Variants in MAGI2 observed in about 807,000 individuals in gnomAD.
MAGI2 encodes the protein membrane-associated guanylate kinase, WW and PDZ domain-containing protein 2.
Under a neutral mutation model 133.3 loss-of-function variants are expected in MAGI2, and 35 were observed. The observed-to-expected ratio is 0.26, with a 90% confidence interval of 0.20 to 0.35. MAGI2 has a LOEUF of 0.35. Among genes scored for constraint, MAGI2 ranks in the 10% least tolerant of loss-of-function variants. The pLI is 1.00. For missense variants in MAGI2, 1,636 were observed against 1,863.4 expected (o/e 0.88, Z 2.25); for synonymous variants, 729 against 710.6 (o/e 1.03, Z -0.41).
intron 1 of MAGI2, among the ~76,000 whole-genome samples, chr7:79,112,019 G>T (rs2129543968): frequency 6.6e-6 from 1 of 151,648 alleles, no homozygotes; most frequent in African/African-American, 2.4e-5. Context: ...CCTGTCTTTG[G>T]CCAGTAGTAC....
At chr7:78,516,249 T>A (rs1796032038) in intron 4 of MAGI2, among the ~76,000 whole-genome samples, 1 of 152,200 alleles carries the variant, frequency 6.6e-6, no homozygotes, top group African/African-American at 2.4e-5. Context: ...ACAGAGATGT[T>A]CTTGTCAAAT....
intron 2 of MAGI2, among the ~76,000 whole-genome samples, chr7:78,666,729 A>C (rs2151058363): frequency 6.6e-6 from 1 of 152,332 alleles, no homozygotes; most frequent in South Asian, 2.1e-4. Flanking sequence ...TCTTACCATA[A>C]GGCTATTTGG....
intron 7 of MAGI2, among the ~76,000 whole-genome samples, chr7:78,364,588 A>G (rs1793182442): frequency 6.6e-6 from 1 of 152,232 alleles, no homozygotes; most frequent in South Asian, 2.1e-4. Context: ...AGTCTCCACT[A>G]TCATTTTAAC....
intron 1 of MAGI2, among the ~76,000 whole-genome samples, chr7:79,025,730 G>A (rs559236549): frequency 2.6e-5 from 4 of 152,252 alleles, no homozygotes; most frequent in African/African-American, 7.2e-5. Flanking sequence ...GTCCTGATCT[G>A]ACACAGAAAA....
At chr7:78,330,791 G>A (rs1175407601) in intron 9 of MAGI2, among the ~76,000 whole-genome samples, 2 of 152,060 alleles carry the variant, frequency 1.3e-5, no homozygotes, top group Non-Finnish European at 2.9e-5. Context: ...GGGAGGCAGG[G>A]GCTGGCAAAT....
chr7:79,102,104 T>C (rs539197900), intron 1 of MAGI2, among the ~76,000 whole-genome samples: 26 of 152,110 alleles, frequency 1.7e-4, no homozygotes, highest in Non-Finnish European at 3.5e-4. Flanking sequence ...TTCATTTTAT[T>C]TTGTTTTGTT....
rs903869327 is a variant in MAGI2 at position 79,213,240 on chromosome 7, A to G, written c.302-206034T>C. Among the ~76,000 whole-genome samples, 39 of 140,034 alleles carry G rather than the reference A, an allele frequency of 2.8e-4. 1 individual carries two copies. In the East Asian group the frequency reaches 5.3e-3, roughly 19 times the overall value. 91.9% of individuals were successfully genotyped at this position (140,034 alleles called of 152,430 possible). A position where few individuals can be genotyped will look rare whatever the true frequency, so the allele number is the denominator to read the frequency against. On this transcript the variant is annotated intron_variant, in intron 1 of 21. Coordinates refer to ENST00000354212, the MANE Select transcript of MAGI2 (RefSeq NM_012301.4). ...TATATATATATGTGTGTGTGTGTGT[A>G]TATATGTGGGTGTGTATATATATAT...
chr7:79,287,476 G>T (rs944469822), intron 1 of MAGI2, among the ~76,000 whole-genome samples: 1 of 152,082 alleles, frequency 6.6e-6, no homozygotes, highest in Non-Finnish European at 1.5e-5. Flanking sequence ...AAAATTACAG[G>T]ACTATTAACC....
At chr7:78,368,150 T>G (rs1793570331) in intron 7 of MAGI2, among the ~76,000 whole-genome samples, 1 of 152,194 alleles carries the variant, frequency 6.6e-6, no homozygotes, top group Admixed American at 6.6e-5. Context: ...AGGGAGATAC[T>G]CAAGGGCAGA....
At chr7:78,047,353 C>T (rs1402848143) in intron 21 of MAGI2, among the ~76,000 whole-genome samples, 1 of 152,190 alleles carries the variant, frequency 6.6e-6, no homozygotes, top group Non-Finnish European at 1.5e-5. Flanking sequence ...AGAATCATCT[C>T]CTGGTGAGCC....
intron 1 of MAGI2, among the ~76,000 whole-genome samples, chr7:79,108,684 T>G (rs1169655369): frequency 2.0e-5 from 3 of 152,164 alleles, no homozygotes; most frequent in African/African-American, 7.2e-5. Flanking sequence ...AAGATTTTAT[T>G]TATAATTTCA....
chr7:78,926,645 G>A (rs143749691), intron 2 of MAGI2, among the ~76,000 whole-genome samples: 15 of 151,886 alleles, frequency 9.9e-5, no homozygotes, highest in African/African-American at 3.4e-4. Flanking sequence ...AAAACATAAA[G>A]CCTCTTTTAT....
At chr7:79,097,225 C>T (rs1817591639) in intron 1 of MAGI2, among the ~76,000 whole-genome samples, 1 of 152,140 alleles carries the variant, frequency 6.6e-6, no homozygotes, top group Admixed American at 6.5e-5. Context: ...GAAACTGAGA[C>T]ATAGACATAT....
chr7:79,093,125 G>A (rs1817209007), intron 1 of MAGI2, among the ~76,000 whole-genome samples: 2 of 151,502 alleles, frequency 1.3e-5, no homozygotes, highest in African/African-American at 4.9e-5. Flanking sequence ...TCCTTCAATG[G>A]CTTATTCTGG....
intron 21 of MAGI2, among the ~76,000 whole-genome samples, chr7:78,056,106 G>A (rs945537084): frequency 1.3e-5 from 2 of 151,988 alleles, no homozygotes; most frequent in African/African-American, 4.8e-5. Context: ...TGGCAACCAC[G>A]TTCTATGTCC....
intron 2 of MAGI2, among the ~76,000 whole-genome samples, chr7:78,814,624 G>T (rs1725328847): frequency 6.6e-6 from 1 of 152,176 alleles, no homozygotes; most frequent in South Asian, 2.1e-4. Flanking sequence ...TTGTGTGTGT[G>T]TGTGTGCACA....
chr7:78,689,514 T>C (rs1816725423), intron 2 of MAGI2, among the ~76,000 whole-genome samples: 1 of 152,158 alleles, frequency 6.6e-6, no homozygotes, highest in South Asian at 2.1e-4. Flanking sequence ...CGATTGATAA[T>C]ATTTCCATCA....
intron 2 of MAGI2, among the ~76,000 whole-genome samples, chr7:78,730,252 G>A (rs896745201): frequency 6.6e-6 from 1 of 152,024 alleles, no homozygotes; most frequent in African/African-American, 2.4e-5. Flanking sequence ...ACTATCTTGT[G>A]TAATATAAAC....
chr7:78,273,295 A>G (rs557255419), intron 9 of MAGI2, among the ~76,000 whole-genome samples: 76 of 152,338 alleles, frequency 5.0e-4, no homozygotes, highest in African/African-American at 1.8e-3. Context: ...GGGTTTCTGC[A>G]GGGAGATCTG....
Sources: gnomAD v4.1 joint callset for allele counts (sites outside exome capture counted in the v4.1 genomes callset) on GRCh38, gnomAD v4.1.1 for gene constraint, MANE v1.5 for transcripts, NCBI Gene and HGNC (gene_info 2026-07-23, HGNC 2026-07-21) for gene names.